NID2: variants seen among roughly 807,000 people sequenced by gnomAD.
The protein encoded by NID2 is nidogen-2.
Under a neutral mutation model 145.4 loss-of-function variants are expected in NID2, and 83 were observed. The observed-to-expected ratio is 0.57, with a 90% CI of 0.48 to 0.69. The LOEUF (loss-of-function observed/expected upper bound fraction) is 0.69, where lower values mean the gene tolerates loss of function less well. Among genes scored for constraint, NID2 ranks in the 30% least tolerant of loss-of-function variants. The pLI, the probability that NID2 is intolerant of heterozygous loss-of-function variation, is 0.00. For synonymous variants in NID2, 739 were observed against 701.3 expected, an observed-to-expected ratio of 1.05 and a Z score of -0.85; for missense variants, 1,807 against 1,765.7, an observed-to-expected ratio of 1.02 and a Z score of -0.42.
intron 7 of NID2, 28 bp from the exon 8 acceptor site, chr14:52,040,879 G>C (rs373465335): frequency 1.1e-5 from 17 of 1,604,320 alleles, no homozygotes; most frequent in Non-Finnish European, 1.3e-5. Context: ...TCAGCACAGG[G>C]ATGAAAAGAG....
chr14:52,029,176 G>C (rs771939047), intron 10 of NID2, among the ~76,000 whole-genome samples: 10 of 152,036 alleles, frequency 6.6e-5, no homozygotes, highest in Non-Finnish European at 1.2e-4. Flanking sequence ...GTTGCCTTTT[G>C]GGGATATAAG....
intron 12 of NID2, among the ~76,000 whole-genome samples, chr14:52,020,938 C>G (rs1394950693): frequency 6.6e-6 from 1 of 152,126 alleles, no homozygotes; most frequent in Non-Finnish European, 1.5e-5. Context: ...ACACTTCAAA[C>G]AAAAGCCAAC....
chr14:52,038,998 A>AT (rs748663749), intron 8 of NID2, 21 bp from the exon 9 acceptor site: 3 of 1,520,136 alleles, frequency 2.0e-6, no homozygotes. Context: ...CACAGTGGTA[A>AT]TTTTTTAAAA....
intron 3 of NID2, among the ~76,000 whole-genome samples, chr14:52,058,581 C>T (rs1456828118): frequency 2.0e-5 from 3 of 152,114 alleles, no homozygotes; most frequent in Admixed American, 6.5e-5. Context: ...GTGTGTCACA[C>T]GTGATTGTGG....
chr14:52,011,684 C>G lies in NID2; in HGVS notation c.3421-1G>C. ...AATCAATTCCCACGATTATGGAGCC[C>G]TTTGTGCATCAAATCATAGAATTAG... is the stretch of plus-strand genomic sequence containing the variant. On this transcript the variant is annotated splice_acceptor_variant, in intron 16 of 21. Coordinates refer to ENST00000216286, the MANE Select transcript of NID2 (RefSeq NM_007361.4). LOFTEE classifies it high-confidence loss of function. The G allele has an allele frequency of 6.2e-7, 1 of 1,614,128 alleles. No individual in the cohort carries two copies. Among genetic ancestry groups the G allele is most frequent in the African/African-American group, 1.3e-5 (1 of 75,050 alleles).
In NID2 at chr14:52,060,257, T is replaced by C. The variant is rs1892980307; in HGVS notation, c.634A>G (p.Lys212Glu). ...TGAAGCTGGACATTGTAAGACTCTTTGGGGCGGGTTCCAAGGAACTGCAGG... is the reference window on the plus strand; with the variant it reads ...TGAAGCTGGACATTGTAAGACTCTTCGGGGCGGGTTCCAAGGAACTGCAGG... ...NGLQFLGTRP[K>E]ESYNVQLQLP... Residue 212 changes from lysine to glutamate, a missense_variant, in exon 3 of 22, where the codon AAA (lysine) becomes GAA (glutamate). Transcript: ENST00000216286. 6.2e-7 allele frequency: 1 copy of C among 1,613,360 alleles called. No individual in the cohort carries two copies. The highest frequency in any genetic ancestry group is 1.3e-5 in the African/African-American group (1 of 74,688).
In NID2 at chr14:52,068,128, G is replaced by C; in HGVS notation, c.264C>G (p.Phe88Leu). 6.2e-7 allele frequency: 1 copy of C among 1,613,352 alleles called. No individual in the cohort carries two copies. Among genetic ancestry groups the C allele is most frequent in the Non-Finnish European group, 8.5e-7 (1 of 1,179,900 alleles). ...AGTCCACATACTGCGTTTCCCTGGG[G>C]AAGTCCTGAGTGGAGATGATGCCGT... The part of the protein sequence containing the change: ...GTNGIISTQD[F>L]PRETQYVDYD... Residue 88 changes from phenylalanine to leucine, a missense_variant, in exon 2 of 22, where the codon TTC becomes TTG. Physicochemically the swap from Phe to Leu is conservative, Grantham distance 22. Coordinates refer to ENST00000216286, the MANE Select transcript of NID2 (RefSeq NM_007361.4).
intron 3 of NID2, among the ~76,000 whole-genome samples, chr14:52,057,722 A>G (rs904275233): frequency 2.7e-5 from 4 of 149,704 alleles, no homozygotes; most frequent in African/African-American, 7.4e-5. Flanking sequence ...AAAAAAAAAA[A>G]AAAAAGAAAA....
In NID2 at chr14:52,020,300, G is replaced by A. The variant is rs945328125; in HGVS notation, c.2675-122C>T. 2.0e-6 allele frequency: 3 copies of A among 1,491,526 alleles called. No homozygotes were observed. The East Asian group carries it at 7.5e-5, about 37-fold the overall frequency. The allele number at this position is 1,491,526 out of a possible 1,614,324, so 92.4% of individuals were successfully genotyped here. ...ACCCAGTGAGGTGTCAGCTTCAGAA[G>A]ACCTTTGAGCATGAGCAGAAAAATG... On this transcript the variant is annotated intron_variant, in intron 12 of 21. Transcript: ENST00000216286.
intron 5 of NID2, among the ~76,000 whole-genome samples, chr14:52,047,258 G>A (rs1369216060): frequency 6.6e-6 from 1 of 152,150 alleles, no homozygotes; most frequent in South Asian, 2.1e-4. Context: ...ACAAGAGGGT[G>A]GGAGGGGGCA....
chr14:52,005,933 T>A, intron 20 of NID2, 84 bp from the exon 21 acceptor site: 1 of 1,022,442 alleles, frequency 9.8e-7, no homozygotes, highest in Non-Finnish European at 1.5e-6. Flanking sequence ...TCAGTTGCAA[T>A]AGAGGAAAAT....
intron 14 of NID2, among the ~76,000 whole-genome samples, chr14:52,018,147 C>T (rs1488456754): frequency 6.6e-6 from 1 of 152,210 alleles, no homozygotes; most frequent in Non-Finnish European, 1.5e-5. Flanking sequence ...GGGAAAAAAA[C>T]TATTGGTAAT....
chr14:52,055,583 A>AAG (rs1269455350), intron 3 of NID2, among the ~76,000 whole-genome samples: 1 of 152,222 alleles, frequency 6.6e-6, no homozygotes, highest in Non-Finnish European at 1.5e-5. Context: ...ATATCCCAAT[A>AAG]ACCCATTATT....
At position 52,068,040 on chromosome 14, in the gene NID2, C is replaced by T; in HGVS notation, c.352G>A (p.Gly118Ser). The change falls in exon 2 of 22, where the codon GGC becomes AGC. Residue 118 changes from glycine to serine, a missense_variant. Physicochemically the swap from Gly to Ser is moderately conservative, Grantham distance 56. Transcript: ENST00000216286. Reference sequence around the variant, plus strand: ...TCTCGGTACAGGACTCGGCCTCTGCCGTGGCTCGTGTCGATGTCCGCCAGA... The same window carrying T: ...TCTCGGTACAGGACTCGGCCTCTGCTGTGGCTCGTGTCGATGTCCGCCAGA... The part of the protein sequence containing the change: ...PFLADIDTSH[G>S]RGRVLYREDT... 1 of 1,613,740 alleles carries T rather than the reference C, an allele frequency of 6.2e-7. No homozygotes were observed. The highest frequency in any genetic ancestry group is 8.5e-7 in the Non-Finnish European group (1 of 1,179,848).
chr14:52,030,481 A>AAAAGAAAAGAAAAGAAAAG lies in NID2; in HGVS notation c.2258-792_2258-791insCTTTTCTTTTCTTTTCTTT, dbSNP rs1555363676. Among the ~76,000 whole-genome samples the AAAAGAAAAGAAAAGAAAAG allele has an allele frequency of 2.6e-5, 3 of 115,298 alleles. 1 individual carries two copies. Among genetic ancestry groups the AAAAGAAAAGAAAAGAAAAG allele is most frequent in the Non-Finnish European group, 5.4e-5 (3 of 55,604 alleles). The allele number at this position is 115,298 out of a possible 152,430, so 75.6% of individuals were successfully genotyped here. A position where few individuals can be genotyped will look rare whatever the true frequency, so the allele number is the denominator to read the frequency against. On this transcript the variant is annotated intron_variant, in intron 9 of 21. Coordinates refer to ENST00000216286, the MANE Select transcript of NID2 (RefSeq NM_007361.4). ...GCCAAGACCTTATCTCGAGAGAAAG[A>AAAAGAAAAGAAAAGAAAAG]AAAGAAAGAAAGAAAGAAAGAGAAA...
At chr14:52,014,586 C>T (rs1891150546) in intron 15 of NID2, 130 bp from the exon 16 acceptor site, 1 of 905,802 alleles carries the variant, frequency 1.1e-6, no homozygotes. Flanking sequence ...CAGATGTGCT[C>T]CAGATGTTCT....
At chr14:52,044,573 A>G (rs1351362300) in intron 5 of NID2, among the ~76,000 whole-genome samples, 1 of 150,238 alleles carries the variant, frequency 6.7e-6, no homozygotes, top group Non-Finnish European at 1.5e-5. Flanking sequence ...CCCGGCCAAC[A>G]ACTCTTAATT....
In NID2 at chr14:52,028,636, T is replaced by C. The variant is rs74049344; in HGVS notation, c.2530+86A>G. The C allele has an allele frequency of 6.2e-4, 889 of 1,437,498 alleles. 7 individuals carry two copies. Among genetic ancestry groups the C allele is most frequent in the Non-Finnish European group, 6.2e-4 (653 of 1,056,644 alleles). 89.0% of individuals were successfully genotyped at this position (1,437,498 alleles called of 1,614,324 possible). On this transcript the variant is annotated intron_variant, in intron 11 of 21. Transcript: ENST00000216286. The stretch of plus-strand genomic sequence containing the variant: ...AAAACCATATAGCAGAGCCTCTGAA[T>C]AGCAGAAGTCAAAACACTGACAGAT...
At chr14:52,016,263 T>C (rs985947375) in intron 14 of NID2, among the ~76,000 whole-genome samples, 2 of 152,206 alleles carry the variant, frequency 1.3e-5, no homozygotes, top group Non-Finnish European at 2.9e-5. Context: ...CCAAAGGAAC[T>C]TAAACAAGAG....
Sources: gnomAD v4.1 joint callset for allele counts (sites outside exome capture counted in the v4.1 genomes callset) on GRCh38, gnomAD v4.1.1 for gene constraint, MANE v1.5 for transcripts, NCBI Gene and HGNC (gene_info 2026-07-23, HGNC 2026-07-21) for gene names.